The following NKD1 variants were observed in gnomAD, a reference collection of about 807,000 sequenced individuals.
The protein encoded by NKD1 is NKD inhibitor of Wnt signaling pathway 1, also known as protein naked cuticle homolog 1.
A neutral mutation model predicts 56.0 loss-of-function variants in NKD1; 21 were observed. The ratio of observed to expected loss-of-function variants is 0.38; its 90% CI spans 0.27 to 0.54. The LOEUF is 0.54. Ranked by LOEUF, NKD1 falls within the 20% of genes least tolerant of loss-of-function variation. NKD1 has a pLI of 0.82. For missense variants in NKD1, 578 were observed against 642.7 expected (o/e 0.90, Z 1.09); for synonymous variants, 263 against 265.7 (o/e 0.99, Z 0.10).
chr16:50,592,185 G>A (rs1567343070), intron 3 of NKD1, among the ~76,000 whole-genome samples: 1 of 152,214 alleles, frequency 6.6e-6, no homozygotes, highest in African/African-American at 2.4e-5. Context: ...GTCCACATTG[G>A]CCTTGGATCA....
intron 3 of NKD1, among the ~76,000 whole-genome samples, chr16:50,549,825 G>T (rs1187003709): frequency 6.6e-6 from 1 of 152,162 alleles, no homozygotes. Context: ...AATCGTGTCT[G>T]TACCGGCGGG....
intron 3 of NKD1, among the ~76,000 whole-genome samples, chr16:50,560,954 C>T (rs1296030524): frequency 6.6e-6 from 1 of 152,026 alleles, no homozygotes; most frequent in African/African-American, 2.4e-5. Flanking sequence ...GGTGCAGGCC[C>T]TGAGCCTGAA....
intron 3 of NKD1, among the ~76,000 whole-genome samples, chr16:50,597,328 G>A (rs1203185321): frequency 1.3e-5 from 2 of 152,190 alleles, no homozygotes; most frequent in South Asian, 2.1e-4. Flanking sequence ...CCAGGCGTCC[G>A]GTTTGGACAC....
At chr16:50,608,497 T>G in intron 4 of NKD1, 137 bp downstream of exon 4, 19 of 620,060 alleles carry the variant, frequency 3.1e-5, no homozygotes, top group East Asian at 6.5e-5. Flanking sequence ...TGGGTGGGGG[T>G]GGACTAGAGG....
intron 4 of NKD1, among the ~76,000 whole-genome samples, chr16:50,618,055 G>C (rs1393374557): frequency 6.6e-6 from 1 of 152,164 alleles, no homozygotes; most frequent in Non-Finnish European, 1.5e-5. Flanking sequence ...AAAAACAGGA[G>C]GTGGGCCAGG....
At chr16:50,627,910 GCTGCCTCAT>G (rs1312436847) in intron 6 of NKD1, among the ~76,000 whole-genome samples, 1 of 152,162 alleles carries the variant, frequency 6.6e-6, no homozygotes, top group Admixed American at 6.5e-5. Flanking sequence ...GCGGCCATCA[GCTGCCTCAT>G]CTGTATAATG....
intron 3 of NKD1, chr16:50,607,701 G>A (rs992214767): frequency 7.8e-5 from 12 of 154,300 alleles, no homozygotes; most frequent in Admixed American, 2.5e-4. Flanking sequence ...TGCTGTAAGA[G>A]ATCTTGTTTA....
At chr16:50,560,706 A>G (rs2151263689) in intron 3 of NKD1, among the ~76,000 whole-genome samples, 1 of 151,904 alleles carries the variant, frequency 6.6e-6, no homozygotes, top group South Asian at 2.1e-4. Context: ...AAAATGAAAT[A>G]GAGTAAAAAT....
chr16:50,579,247 G>A lies in NKD1; in HGVS notation c.193-29047G>A, dbSNP rs4785218. ...CACGCATGCACTGTCTTACTCCTGC[G>A]GGCTACCCGCTACACACGCACTCTA... On this transcript the variant is annotated intron_variant, in intron 3 of 9. Coordinates refer to ENST00000268459, the MANE Select transcript of NKD1 (RefSeq NM_033119.5). 7.0e-4 allele frequency among the ~76,000 whole-genome samples: 95 copies of A among 135,856 alleles called. 1 individual carries two copies. Among genetic ancestry groups the A allele is most frequent in the South Asian group, 2.1e-3 (9 of 4,356 alleles). The allele number at this position is 135,856 out of a possible 152,430, so 89.1% of individuals were successfully genotyped here. A position where few individuals can be genotyped will look rare whatever the true frequency, so the allele number is the denominator to read the frequency against.
chr16:50,626,565 G>A (rs1962219983), intron 6 of NKD1, among the ~76,000 whole-genome samples: 1 of 152,322 alleles, frequency 6.6e-6, no homozygotes, highest in Middle Eastern at 3.4e-3. Context: ...TGAAGGAGGT[G>A]GCCGTGGTGG....
At position 50,566,537 on chromosome 16, in the gene NKD1, C is replaced by T. The variant is rs116482247; in HGVS notation, c.192+16982C>T. 9.6e-3 allele frequency among the ~76,000 whole-genome samples: 1,464 copies of T among 152,322 alleles called. 20 individuals are homozygous for T. The highest frequency in any genetic ancestry group is 0.033 in the African/African-American group (1,361 of 41,548). On this transcript the variant is annotated intron_variant, in intron 3 of 9. Coordinates refer to ENST00000268459, the MANE Select transcript of NKD1 (RefSeq NM_033119.5). ...CTGGAGTGGAGGCTGGGATCACCCC[C>T]GTCCCCGCATCCCTTGAACCTCCCT...
intron 3 of NKD1, among the ~76,000 whole-genome samples, chr16:50,604,226 G>A (rs908657978): frequency 7.2e-5 from 11 of 152,194 alleles, no homozygotes; most frequent in Admixed American, 5.9e-4. Context: ...GTGACCTTGG[G>A]CAAGTCACTT....
chr16:50,616,136 T>C lies in NKD1; in HGVS notation c.260-5466T>C, dbSNP rs1459829644. On this transcript the variant is annotated intron_variant, in intron 4 of 9. Transcript: ENST00000268459. Reference sequence around the variant, plus strand: ...CAGCAGATAATCTGTACGTGGACGATTGAGAAAGGACTGTGGATATGTCAG... The same window carrying C: ...CAGCAGATAATCTGTACGTGGACGACTGAGAAAGGACTGTGGATATGTCAG... The C allele has an allele frequency of 6.6e-6, 3 of 453,170 alleles. No individual in the cohort carries two copies. In the East Asian group the frequency reaches 2.1e-4, roughly 32 times the overall value. 28.1% of individuals were successfully genotyped at this position (453,170 alleles called of 1,614,324 possible).
At chr16:50,561,444 G>T (rs9937750) in intron 3 of NKD1, among the ~76,000 whole-genome samples, 3,233 of 151,828 alleles carry the variant, frequency 0.021, 120 homozygotes, top group African/African-American at 0.074. Flanking sequence ...TTTGTGACTT[G>T]CTTAAGAGTA....
At chr16:50,587,815 C>T (rs1469005905) in intron 3 of NKD1, among the ~76,000 whole-genome samples, 1 of 152,208 alleles carries the variant, frequency 6.6e-6, no homozygotes. Context: ...TCAAAATCAG[C>T]AGTGGTATTA....
In NKD1 at chr16:50,576,746, CT is replaced by C. The variant is rs55799406; in HGVS notation, c.192+27206del. Among the ~76,000 whole-genome samples the C allele has an allele frequency of 5.3e-3, 769 of 144,326 alleles. 4 individuals are homozygous for C. Among genetic ancestry groups the C allele is most frequent in the African/African-American group, 0.018 (711 of 39,160 alleles). The allele number at this position is 144,326 out of a possible 152,430, so 94.7% of individuals were successfully genotyped here. On this transcript the variant is annotated intron_variant, in intron 3 of 9. Coordinates refer to ENST00000268459, the MANE Select transcript of NKD1 (RefSeq NM_033119.5). ...AAGTCAATCATATCTCAATAAAGTGCTTTTTTTTTTTTTTTAAAGAATGACT... is the reference window on the plus strand; with the variant it reads ...AAGTCAATCATATCTCAATAAAGTGCTTTTTTTTTTTTTTAAAGAATGACT...
At position 50,636,923 on chromosome 16, in the gene NKD1, A is replaced by AT. The variant is rs1962479848; in HGVS notation, c.*3147dup. On this transcript the variant is annotated 3_prime_UTR_variant, in exon 10 of 10. Transcript: ENST00000268459. ...AATCCTCTTCCCACCCCACCCTTTT[A>AT]TTTTTACACAAGGAGCATAGTGTTC... 1 of 151,986 alleles carries AT rather than the reference A, an allele frequency of 6.6e-6. No homozygotes were observed. Among genetic ancestry groups the AT allele is most frequent in the Non-Finnish European group, 1.5e-5 (1 of 67,962 alleles). The allele number at this position is 151,986 out of a possible 1,614,324, so 9.4% of individuals were successfully genotyped here.
chr16:50,602,961 A>T (rs1961629815), intron 3 of NKD1, among the ~76,000 whole-genome samples: 1 of 152,210 alleles, frequency 6.6e-6, no homozygotes, highest in Non-Finnish European at 1.5e-5. Context: ...CTGGACACAC[A>T]TGTGAGCATC....
chr16:50,593,034 T>C (rs1961402814), intron 3 of NKD1, among the ~76,000 whole-genome samples: 1 of 151,958 alleles, frequency 6.6e-6, no homozygotes, highest in African/African-American at 2.4e-5. Context: ...CCAAGGCTCA[T>C]GGAGAGTTTG....
Sources: gnomAD v4.1 joint callset for allele counts (sites outside exome capture counted in the v4.1 genomes callset) on GRCh38, gnomAD v4.1.1 for gene constraint, MANE v1.5 for transcripts, NCBI Gene and HGNC (gene_info 2026-07-23, HGNC 2026-07-21) for gene names.